The following ST8SIA4 variants were observed in gnomAD, a reference collection of about 807,000 sequenced individuals.
The protein encoded by ST8SIA4 is CMP-N-acetylneuraminate-poly-alpha-2,8-sialyltransferase.
ST8SIA4 carries 15 observed loss-of-function variants against 33.9 expected under a neutral mutation model. That is an observed-to-expected ratio of 0.44 (90% CI 0.30 to 0.68). The LOEUF is 0.68. Ranked by LOEUF, ST8SIA4 falls within the 30% of genes least tolerant of loss-of-function variation. The pLI, the probability that ST8SIA4 is intolerant of heterozygous loss-of-function variation, is 0.10. For missense variants in ST8SIA4, 321 were observed against 428.0 expected, an observed-to-expected ratio of 0.75 and a Z score of 2.21; for synonymous variants, 171 against 151.2, an observed-to-expected ratio of 1.13 and a Z score of -0.96.
intron 3 of ST8SIA4, 118 bp downstream of exon 3, chr5:100,886,225 C>G (rs1752533281): frequency 4.7e-6 from 7 of 1,474,502 alleles, no homozygotes; most frequent in Non-Finnish European, 6.3e-6. Flanking sequence ...AAAAGGATAT[C>G]ATAGACAAAT....
chr5:100,828,460 C>G (rs1417463550), intron 4 of ST8SIA4, among the ~76,000 whole-genome samples: 3 of 152,132 alleles, frequency 2.0e-5, no homozygotes, highest in Admixed American at 6.5e-5. Flanking sequence ...AAAGCAATAC[C>G]TCTTTGAAAA....
At chr5:100,897,844 A>G (rs1196489390) in intron 1 of ST8SIA4, among the ~76,000 whole-genome samples, 2 of 152,222 alleles carry the variant, frequency 1.3e-5, no homozygotes, top group Non-Finnish European at 2.9e-5. Flanking sequence ...GGGAGCATTT[A>G]GGATGCCAGA....
At chr5:100,844,554 T>C (rs1751528920) in intron 4 of ST8SIA4, among the ~76,000 whole-genome samples, 1 of 151,988 alleles carries the variant, frequency 6.6e-6, no homozygotes. Flanking sequence ...TCACCAGGGC[T>C]CTATTTTGTG....
rs73159988 is a variant in ST8SIA4, at chr5:100,861,519, A to T, written c.504-5123T>A. Among the ~76,000 whole-genome samples the T allele has an allele frequency of 7.3e-3, 1,111 of 152,292 alleles. 11 individuals carry two copies. Among genetic ancestry groups the T allele is most frequent in the African/African-American group, 0.025 (1,028 of 41,560 alleles). ...TCGGTCAAATTTGCTATAACTGCAC[A>T]AATTCTAGAGAATAGCTTAGATTTG... On this transcript the variant is annotated intron_variant, in intron 3 of 4. Transcript: ENST00000231461.
intron 3 of ST8SIA4, among the ~76,000 whole-genome samples, chr5:100,875,606 G>A (rs1457548189): frequency 6.6e-6 from 1 of 152,134 alleles, no homozygotes; most frequent in African/African-American, 2.4e-5. Context: ...ACCCCACACA[G>A]CACAGGTTGT....
At chr5:100,875,532 G>A (rs903430340) in intron 3 of ST8SIA4, among the ~76,000 whole-genome samples, 19 of 152,010 alleles carry the variant, frequency 1.2e-4, no homozygotes, top group Middle Eastern at 3.2e-3. Context: ...AAACCTGGCC[G>A]TAGACAAATA....
rs182150033 is a variant in ST8SIA4 at position 100,857,041 on chromosome 5, C to T, written c.504-645G>A. Among the ~76,000 whole-genome samples, 16 of 152,170 alleles carry T rather than the reference C, an allele frequency of 1.1e-4. No homozygotes were observed. The East Asian group carries it at 2.7e-3, about 26-fold the overall frequency. The stretch of plus-strand genomic sequence containing the variant: ...GGGTTTTAAGTAATATAGAAAAGCT[C>T]TTACTATAAGATCAAATATCAGCCT... On this transcript the variant is annotated intron_variant, in intron 3 of 4. Transcript: ENST00000231461.
chr5:100,825,574 G>C (rs1048654100), intron 4 of ST8SIA4, among the ~76,000 whole-genome samples: 4 of 152,140 alleles, frequency 2.6e-5, no homozygotes, highest in Non-Finnish European at 5.9e-5. Flanking sequence ...GAAAGCGAAG[G>C]ATACTCAGTT....
intron 4 of ST8SIA4, among the ~76,000 whole-genome samples, chr5:100,822,311 A>C (rs1362438330): frequency 1.3e-5 from 2 of 152,216 alleles, no homozygotes; most frequent in African/African-American, 4.8e-5. Flanking sequence ...TAATTTATAA[A>C]CTGCATTTAT....
chr5:100,893,986 A>T (rs1462347462), intron 2 of ST8SIA4, among the ~76,000 whole-genome samples: 1 of 152,164 alleles, frequency 6.6e-6, no homozygotes, highest in African/African-American at 2.4e-5. Flanking sequence ...AAACCAAAGT[A>T]TATCTGTGTT....
intron 4 of ST8SIA4, among the ~76,000 whole-genome samples, chr5:100,826,585 A>T (rs1751149273): frequency 6.6e-6 from 1 of 152,142 alleles, no homozygotes; most frequent in African/African-American, 2.4e-5. Flanking sequence ...GTATTTGGGG[A>T]TATGCAAGTT....
intron 4 of ST8SIA4, among the ~76,000 whole-genome samples, chr5:100,837,409 A>G (rs1751385701): frequency 6.6e-6 from 1 of 152,000 alleles, no homozygotes; most frequent in Non-Finnish European, 1.5e-5. Flanking sequence ...TTTAAAGAAA[A>G]TATTCTAATA....
At chr5:100,874,251 G>A (rs1368384008) in intron 3 of ST8SIA4, among the ~76,000 whole-genome samples, 1 of 152,090 alleles carries the variant, frequency 6.6e-6, no homozygotes, top group South Asian at 2.1e-4. Flanking sequence ...GTACACTTGA[G>A]GCAAGGATTT....
intron 2 of ST8SIA4, among the ~76,000 whole-genome samples, chr5:100,889,977 G>GA: frequency 6.6e-6 from 1 of 151,882 alleles, no homozygotes; most frequent in East Asian, 1.9e-4. Context: ...AAAGTAAAAA[G>GA]AAAAAGAGGT....
intron 2 of ST8SIA4, among the ~76,000 whole-genome samples, chr5:100,892,028 T>C (rs1468719083): frequency 6.6e-6 from 1 of 152,094 alleles, no homozygotes; most frequent in Non-Finnish European, 1.5e-5. Context: ...TTTCAGATTA[T>C]TGATATATCA....
intron 3 of ST8SIA4, chr5:100,885,984 T>A: frequency 1.1e-6 from 1 of 896,718 alleles, no homozygotes; most frequent in Non-Finnish European, 1.4e-6. Flanking sequence ...ATATTCATAA[T>A]CTTTATACAA....
At chr5:100,827,691 C>T (rs1751173413) in intron 4 of ST8SIA4, among the ~76,000 whole-genome samples, 1 of 152,200 alleles carries the variant, frequency 6.6e-6, no homozygotes. Flanking sequence ...TGTTTTCTCA[C>T]AGTGGGTGGG....
intron 3 of ST8SIA4, among the ~76,000 whole-genome samples, chr5:100,880,692 G>A (rs1022316780): frequency 6.6e-6 from 1 of 152,102 alleles, no homozygotes; most frequent in Non-Finnish European, 1.5e-5. Flanking sequence ...GATGATGTTG[G>A]CTTTTACCAG....
intron 4 of ST8SIA4, among the ~76,000 whole-genome samples, chr5:100,831,014 A>G (rs1419335941): frequency 6.6e-6 from 1 of 152,236 alleles, no homozygotes; most frequent in Non-Finnish European, 1.5e-5. Flanking sequence ...AAAACCTATT[A>G]CACATACATA....
Sources: gnomAD v4.1 joint callset for allele counts (sites outside exome capture counted in the v4.1 genomes callset) on GRCh38, gnomAD v4.1.1 for gene constraint, MANE v1.5 for transcripts, NCBI Gene and HGNC (gene_info 2026-07-23, HGNC 2026-07-21) for gene names.